Variants in PPARG observed in about 807,000 individuals in gnomAD.
PPARG encodes the protein peroxisome proliferator-activated receptor gamma.
A neutral mutation model predicts 39.2 loss-of-function variants in PPARG; 17 were observed. That is an observed-to-expected ratio of 0.43 (90% CI 0.30 to 0.65). The LOEUF (loss-of-function observed/expected upper bound fraction) is 0.65, where lower values mean the gene tolerates loss of function less well. Ranked by LOEUF, PPARG falls within the 30% of genes least tolerant of loss-of-function variation. PPARG has a pLI of 0.13. For missense variants in PPARG, 406 were observed against 585.9 expected (o/e 0.69, Z 3.17); for synonymous variants, 223 against 215.7 (o/e 1.03, Z -0.30).
intron 1 of PPARG, among the ~76,000 whole-genome samples, chr3:12,307,963 G>A (rs1189620181): frequency 6.6e-6 from 1 of 152,018 alleles, no homozygotes; most frequent in Non-Finnish European, 1.5e-5. Flanking sequence ...CTGAGGGCAA[G>A]AATATAAAGA....
At chr3:12,348,725 A>G (rs181123699) in intron 2 of PPARG, among the ~76,000 whole-genome samples, 1 of 152,324 alleles carries the variant, frequency 6.6e-6, no homozygotes, top group East Asian at 1.9e-4. Context: ...ACTCTGTAAC[A>G]TTACCAAGGA....
At chr3:12,311,442 G>A (rs369569668) in intron 1 of PPARG, among the ~76,000 whole-genome samples, 9 of 152,148 alleles carry the variant, frequency 5.9e-5, no homozygotes, top group African/African-American at 1.9e-4. Context: ...GGCAAAATAC[G>A]TTGGCTATAG....
At chr3:12,423,723 C>G (rs925826783) in intron 7 of PPARG, among the ~76,000 whole-genome samples, 1 of 152,232 alleles carries the variant, frequency 6.6e-6, no homozygotes, top group East Asian at 1.9e-4. Context: ...CCCACCTCTC[C>G]TGTACCAGCT....
chr3:12,389,593 C>G (rs1404300166), intron 4 of PPARG, among the ~76,000 whole-genome samples: 1 of 152,166 alleles, frequency 6.6e-6, no homozygotes, highest in African/African-American at 2.4e-5. Context: ...TTGGTAATCT[C>G]TCAAGAATGA....
intron 4 of PPARG, among the ~76,000 whole-genome samples, chr3:12,389,629 G>T (rs571174277): frequency 4.9e-4 from 75 of 152,298 alleles, no homozygotes; most frequent in Non-Finnish European, 9.1e-4. Flanking sequence ...AGTGGCACAT[G>T]TGTGTAATCT....
At chr3:12,347,084 G>A (rs1467751423) in intron 2 of PPARG, among the ~76,000 whole-genome samples, 2 of 152,082 alleles carry the variant, frequency 1.3e-5, no homozygotes, top group Non-Finnish European at 2.9e-5. Context: ...ACGAGAGACT[G>A]AGGCAGGAGA....
intron 7 of PPARG, among the ~76,000 whole-genome samples, chr3:12,419,509 C>T (rs2051189775): frequency 6.6e-6 from 1 of 152,020 alleles, no homozygotes; most frequent in Non-Finnish European, 1.5e-5. Context: ...GAGTCTCGTT[C>T]TGTCTTGCAG....
chr3:12,288,546 G>GGAA (rs2046567716), upstream of PPARG, among the ~76,000 whole-genome samples: 1 of 152,024 alleles, frequency 6.6e-6, no homozygotes, highest in South Asian at 2.1e-4. Flanking sequence ...CTGGACCCGG[G>GGAA]GAAGCGAAGA....
At chr3:12,340,283 T>C (rs139679495) in intron 2 of PPARG, among the ~76,000 whole-genome samples, 69 of 152,374 alleles carry the variant, frequency 4.5e-4, no homozygotes, top group African/African-American at 1.6e-3. Flanking sequence ...TCCTTCCGTC[T>C]TCTCATTTCA....
intron 6 of PPARG, among the ~76,000 whole-genome samples, chr3:12,411,849 C>T (rs981871989): frequency 6.6e-6 from 1 of 151,886 alleles, no homozygotes; most frequent in African/African-American, 2.4e-5. Context: ...CGAGGAGAAC[C>T]AGGTGTGTCA....
At chr3:12,295,327 A>C (rs2124932113) in intron 1 of PPARG, among the ~76,000 whole-genome samples, 1 of 152,300 alleles carries the variant, frequency 6.6e-6, no homozygotes, top group Middle Eastern at 3.4e-3. Context: ...TGAAGTAGAA[A>C]CTTCAAAAAT....
chr3:12,382,613 T>C (rs2049718582), intron 4 of PPARG, among the ~76,000 whole-genome samples: 1 of 152,248 alleles, frequency 6.6e-6, no homozygotes, highest in Non-Finnish European at 1.5e-5. Flanking sequence ...TGCCAAATAC[T>C]GTATGAGGTA....
chr3:12,387,552 AC>A (rs1244729094), intron 4 of PPARG, among the ~76,000 whole-genome samples: 2 of 151,390 alleles, frequency 1.3e-5, no homozygotes, highest in African/African-American at 4.9e-5. Flanking sequence ...TCCCTTACCC[AC>A]TTTTTGATGG....
At chr3:12,426,728 C>T (rs966602170) in intron 7 of PPARG, among the ~76,000 whole-genome samples, 1 of 152,202 alleles carries the variant, frequency 6.6e-6, no homozygotes, top group African/African-American at 2.4e-5. Flanking sequence ...ATTTACTGTA[C>T]AACAGACACT....
At chr3:12,292,213 G>A (rs1250589376) in intron 1 of PPARG, among the ~76,000 whole-genome samples, 1 of 152,140 alleles carries the variant, frequency 6.6e-6, no homozygotes, top group African/African-American at 2.4e-5. Flanking sequence ...ACAAAAATCA[G>A]CATAGTAATT....
chr3:12,399,684 G>A (rs1453326251), intron 5 of PPARG, among the ~76,000 whole-genome samples: 1 of 151,152 alleles, frequency 6.6e-6, no homozygotes, highest in African/African-American at 2.4e-5. Flanking sequence ...AAGGAAAAAG[G>A]AAGGGAGGAA....
chr3:12,348,088 A>T (rs976522442), intron 2 of PPARG, among the ~76,000 whole-genome samples: 3 of 152,262 alleles, frequency 2.0e-5, no homozygotes, highest in Non-Finnish European at 2.9e-5. Context: ...AATAAATTCC[A>T]AATTTATAGC....
chr3:12,344,584 A>G (rs1187559769), intron 2 of PPARG, among the ~76,000 whole-genome samples: 1 of 152,204 alleles, frequency 6.6e-6, no homozygotes, highest in Non-Finnish European at 1.5e-5. Context: ...AAATATGTCT[A>G]CTTCCGCTAA....
chr3:12,296,476 C>A (rs2046789766), intron 1 of PPARG, among the ~76,000 whole-genome samples: 1 of 152,042 alleles, frequency 6.6e-6, no homozygotes. Context: ...TGCACCCCAC[C>A]TGATAGAGTG....
Sources: allele counts gnomAD v4.1 joint callset (sites outside exome capture counted in the v4.1 genomes callset), GRCh38; gene constraint gnomAD v4.1.1; transcripts MANE v1.5; gene names NCBI Gene and HGNC (gene_info 2026-07-23, HGNC 2026-07-21).